The following KCND3 variants were observed in gnomAD, a reference collection of about 807,000 sequenced individuals.
The protein encoded by KCND3 is potassium voltage-gated channel subfamily D member 3.
Under a neutral mutation model 51.1 loss-of-function variants are expected in KCND3, and 9 were observed. The ratio of observed to expected loss-of-function variants is 0.18; its 90% CI spans 0.11 to 0.31. KCND3 has a LOEUF of 0.31. KCND3 is among the 10% of genes least tolerant of loss of function. The probability of loss-of-function intolerance (pLI) is 1.00; values close to 1 mark genes in which losing one functional copy is unlikely to be tolerated. For missense variants in KCND3, 526 were observed against 903.8 expected, an observed-to-expected ratio of 0.58 and a Z score of 5.36; for synonymous variants, 349 against 368.0, an observed-to-expected ratio of 0.95 and a Z score of 0.59.
intron 2 of KCND3, among the ~76,000 whole-genome samples, chr1:111,905,521 C>G (rs1350943665): frequency 6.6e-6 from 1 of 152,210 alleles, no homozygotes; most frequent in Non-Finnish European, 1.5e-5. Context: ...AAACACTGGA[C>G]CATGCGTCTG....
intron 2 of KCND3, among the ~76,000 whole-genome samples, chr1:111,950,811 C>A (rs992702640): frequency 6.6e-6 from 1 of 152,148 alleles, no homozygotes; most frequent in Non-Finnish European, 1.5e-5. Flanking sequence ...AAAGAGGACC[C>A]CAAGTTTCTG....
intron 2 of KCND3, among the ~76,000 whole-genome samples, chr1:111,802,502 T>G (rs921971670): frequency 6.6e-6 from 1 of 152,210 alleles, no homozygotes; most frequent in African/African-American, 2.4e-5. Context: ...GGCAGCGACT[T>G]AGATCTCTAA....
chr1:111,982,625 C>T lies in KCND3; in HGVS notation c.102G>A (p.Lys34=). ...CAATCAGCTCATCCTGCCGCTTGTTCTTGTCGGCCGGGGCCAGGGGCATGG... is the reference window on the plus strand; with the variant it reads ...CAATCAGCTCATCCTGCCGCTTGTTTTTGTCGGCCGGGGCCAGGGGCATGG... ...NCPMPLAPAD[K]NKRQDELIVL... is the part of the protein sequence containing the mutation. The change falls in exon 2 of 8, where the codon AAG becomes AAA. Residue 34 remains lysine, a synonymous_variant. Coordinates refer to ENST00000302127, the MANE Select transcript of KCND3 (RefSeq NM_001378969.1). This position sits in a 1 kb window ranked among gnomAD's most constrained non-coding sequence, Gnocchi z 8.5. 6.2e-7 allele frequency: 1 copy of T among 1,613,952 alleles called. No individual in the cohort carries two copies. The highest frequency in any genetic ancestry group is 8.5e-7 in the Non-Finnish European group (1 of 1,179,906).
intron 2 of KCND3, among the ~76,000 whole-genome samples, chr1:111,835,155 C>T (rs895021335): frequency 4.6e-5 from 7 of 152,190 alleles, no homozygotes; most frequent in Non-Finnish European, 1.0e-4. Context: ...CCACATCTAG[C>T]TGAGGGTCTA....
intron 2 of KCND3, among the ~76,000 whole-genome samples, chr1:111,942,290 C>T (rs1470456710): frequency 2.0e-5 from 3 of 152,348 alleles, no homozygotes; most frequent in African/African-American, 4.8e-5. Context: ...CACAATCCCC[C>T]GTCCCTGTGG....
At chr1:111,886,931 T>C (rs1389299346) in intron 2 of KCND3, among the ~76,000 whole-genome samples, 1 of 152,206 alleles carries the variant, frequency 6.6e-6, no homozygotes, top group Admixed American at 6.5e-5. Flanking sequence ...CTGGTCACCA[T>C]GCTCTGAGGA....
intron 2 of KCND3, among the ~76,000 whole-genome samples, chr1:111,803,609 C>G (rs141406684): frequency 1.3e-5 from 2 of 152,254 alleles, no homozygotes; most frequent in Admixed American, 1.3e-4. Flanking sequence ...AGATGGTGCT[C>G]CATCATCTGC....
At chr1:111,876,749 G>T (rs1474977119) in intron 2 of KCND3, among the ~76,000 whole-genome samples, 1 of 152,232 alleles carries the variant, frequency 6.6e-6, no homozygotes, top group African/African-American at 2.4e-5. Flanking sequence ...GGCAGAGAAG[G>T]CAAGAAGAGG....
At chr1:111,943,817 A>G (rs1055447259) in intron 2 of KCND3, among the ~76,000 whole-genome samples, 2 of 152,176 alleles carry the variant, frequency 1.3e-5, no homozygotes, top group African/African-American at 4.8e-5. Context: ...CATTTTACAG[A>G]GGAAGAAACT....
At chr1:111,812,329 G>A (rs1161156090) in intron 2 of KCND3, among the ~76,000 whole-genome samples, 1 of 152,132 alleles carries the variant, frequency 6.6e-6, no homozygotes, top group Non-Finnish European at 1.5e-5. Context: ...GGGGAATTAG[G>A]GGAAATGCAA....
intron 2 of KCND3, among the ~76,000 whole-genome samples, chr1:111,929,241 T>C (rs1671846699): frequency 6.6e-6 from 1 of 152,132 alleles, no homozygotes; most frequent in Non-Finnish European, 1.5e-5. Context: ...CTCTGCTGCA[T>C]TCTGCCCCCC....
chr1:111,979,860 T>A (rs1674844657), intron 2 of KCND3, among the ~76,000 whole-genome samples: 1 of 152,190 alleles, frequency 6.6e-6, no homozygotes, highest in African/African-American at 2.4e-5. Context: ...TCACCATGCC[T>A]GTTTTCCTCC....
chr1:111,855,071 G>T (rs1668001623), intron 2 of KCND3, among the ~76,000 whole-genome samples: 1 of 152,114 alleles, frequency 6.6e-6, no homozygotes, highest in African/African-American at 2.4e-5. Flanking sequence ...TCCTGGTCTG[G>T]CCAGCTGCTC....
chr1:111,780,725 G>A lies in KCND3; in HGVS notation c.1336C>T (p.Arg446Cys), dbSNP rs756087542. 1 of 1,612,948 alleles carries A rather than the reference G, an allele frequency of 6.2e-7. No individual in the cohort carries two copies. The highest frequency in any genetic ancestry group is 1.1e-5 in the South Asian group (1 of 90,456). ...GSSNAYLHSK[R>C]NGLLNEALEL... ...AGCGCCTCGTTGAGGAGCCCGTTGC[G>A]CTTGCTGTGCAGGTATGCATTCGAA... is the stretch of plus-strand genomic sequence containing the variant. Residue 446 changes from arginine (R) to cysteine (C), a missense_variant, in exon 4 of 8, where the codon CGC becomes TGC. Physicochemically the swap from Arg to Cys is radical, Grantham distance 180. Transcript: ENST00000302127. This position sits in a 1 kb window ranked among gnomAD's most constrained non-coding sequence, Gnocchi z 4.2.
At chr1:111,825,345 T>C (rs1228936453) in intron 2 of KCND3, among the ~76,000 whole-genome samples, 2 of 152,136 alleles carry the variant, frequency 1.3e-5, no homozygotes, top group Admixed American at 6.5e-5. Context: ...TGTTCTTAAA[T>C]GCCGCACATA....
At chr1:111,828,056 T>G (rs1475656497) in intron 2 of KCND3, among the ~76,000 whole-genome samples, 2 of 152,184 alleles carry the variant, frequency 1.3e-5, no homozygotes, top group African/African-American at 4.8e-5. Context: ...AGCTGCCTTT[T>G]GTTTATGGGC....
chr1:111,961,052 A>C (rs979237227), intron 2 of KCND3, among the ~76,000 whole-genome samples: 1 of 152,096 alleles, frequency 6.6e-6, no homozygotes, highest in African/African-American at 2.4e-5. Flanking sequence ...CGGAGAAGAG[A>C]GGTACAGCAC....
chr1:111,954,813 G>A (rs867579465), intron 2 of KCND3, among the ~76,000 whole-genome samples: 3 of 152,272 alleles, frequency 2.0e-5, no homozygotes, highest in Admixed American at 6.5e-5. Flanking sequence ...TCCATGATTC[G>A]GGGCATTTCC....
In KCND3 at chr1:111,944,475, C is replaced by A. The variant is rs138574508; in HGVS notation, c.1106+37146G>T. ...TGGAGGCTCCGTCTGGCCCAAGACTCCCTCTGTCATTTCCCCCAGTAGACC... is the reference window on the plus strand; with the variant it reads ...TGGAGGCTCCGTCTGGCCCAAGACTACCTCTGTCATTTCCCCCAGTAGACC... On this transcript the variant is annotated intron_variant, in intron 2 of 7. Coordinates refer to ENST00000302127, the MANE Select transcript of KCND3 (RefSeq NM_001378969.1). 1.9e-4 allele frequency among the ~76,000 whole-genome samples: 29 copies of A among 152,362 alleles called. No individual in the cohort carries two copies. In the East Asian group the frequency reaches 5.0e-3, roughly 26 times the overall value.
Sources: gnomAD v4.1 joint callset for allele counts (sites outside exome capture counted in the v4.1 genomes callset) on GRCh38, gnomAD v4.1.1 for gene constraint, Gnocchi (gnomAD v3.1) non-coding constraint, MANE v1.5 for transcripts, NCBI Gene and HGNC (gene_info 2026-07-23, HGNC 2026-07-21) for gene names.